The following TRPC6 variants were observed in gnomAD, a reference collection of about 807,000 sequenced individuals.
TRPC6 encodes transient receptor potential cation channel subfamily C member 6, also known as short transient receptor potential channel 6.
TRPC6 carries 55 observed loss-of-function variants against 90.7 expected under a neutral mutation model. The observed-to-expected ratio is 0.61, with a 90% CI of 0.49 to 0.76. The LOEUF is 0.76. Among genes scored for constraint, TRPC6 ranks in the 30% least tolerant of loss-of-function variants. The pLI is 0.00. For missense variants in TRPC6, 989 were observed against 1,122.7 expected (o/e 0.88, Z 1.70); for synonymous variants, 393 against 393.0 (o/e 1.00, Z 0.00).
At chr11:101,526,861 C>CAAAAAAAAAAAAAAAA (rs573864895) in intron 1 of TRPC6, among the ~76,000 whole-genome samples, 3 of 36,120 alleles carry the variant, frequency 8.3e-5, no homozygotes, top group African/African-American at 1.2e-4. Context: ...GAGACTGTCT[C>CAAAAAAAAAAAAAAAA]AAAAAAAAAA....
chr11:101,548,106 A>T (rs1238634255), intron 1 of TRPC6, among the ~76,000 whole-genome samples: 2 of 151,652 alleles, frequency 1.3e-5, no homozygotes, highest in Non-Finnish European at 1.5e-5. Flanking sequence ...CTAAAATAGG[A>T]TTTTTATGCA....
intron 7 of TRPC6, 106 bp from the exon 8 acceptor site, chr11:101,472,438 TA>T (rs986687278): frequency 5.8e-5 from 65 of 1,114,084 alleles, no homozygotes; most frequent in South Asian, 1.1e-4. Context: ...TTAGTGAGTA[TA>T]AAAAAAATTC....
chr11:101,564,933 A>G (rs1861796379), intron 1 of TRPC6, among the ~76,000 whole-genome samples: 1 of 152,082 alleles, frequency 6.6e-6, no homozygotes, highest in African/African-American at 2.4e-5. Flanking sequence ...GGGTTAAATA[A>G]TTTTCAACAA....
intron 1 of TRPC6, among the ~76,000 whole-genome samples, chr11:101,548,538 C>G (rs1340613570): frequency 6.9e-6 from 1 of 145,518 alleles, no homozygotes; most frequent in Non-Finnish European, 1.5e-5. Context: ...GGTTAAGTAG[C>G]TTATCCAAAG....
intron 1 of TRPC6, among the ~76,000 whole-genome samples, chr11:101,515,196 T>C (rs1184559538): frequency 6.6e-6 from 1 of 152,226 alleles, no homozygotes; most frequent in African/African-American, 2.4e-5. Flanking sequence ...ATAAAGGAGA[T>C]AGAAACTAAG....
intron 1 of TRPC6, among the ~76,000 whole-genome samples, chr11:101,508,217 G>C (rs1860318396): frequency 6.6e-6 from 1 of 151,810 alleles, no homozygotes; most frequent in African/African-American, 2.4e-5. Flanking sequence ...TGTTTGCTTT[G>C]GTCTCTGTAT....
At chr11:101,496,476 C>T (rs548120145) in intron 2 of TRPC6, among the ~76,000 whole-genome samples, 5 of 152,114 alleles carry the variant, frequency 3.3e-5, no homozygotes, top group Admixed American at 6.5e-5. Context: ...AAAAGTTAAT[C>T]GGCACTATTC....
At chr11:101,535,023 G>A (rs1393196991) in intron 1 of TRPC6, among the ~76,000 whole-genome samples, 1 of 151,960 alleles carries the variant, frequency 6.6e-6, no homozygotes, top group Non-Finnish European at 1.5e-5. Flanking sequence ...AAAATTAGTT[G>A]GGCATGGTAG....
chr11:101,463,845 T>C (rs1004110024), intron 10 of TRPC6, among the ~76,000 whole-genome samples: 13 of 152,228 alleles, frequency 8.5e-5, no homozygotes, highest in Admixed American at 5.2e-4. Context: ...TGTATTCTAC[T>C]AGCTTTTGAA....
At chr11:101,566,613 C>A (rs956980056) in intron 1 of TRPC6, among the ~76,000 whole-genome samples, 3 of 152,142 alleles carry the variant, frequency 2.0e-5, no homozygotes, top group Non-Finnish European at 1.5e-5. Flanking sequence ...GTAGGAACAG[C>A]TCCGGTCTGC....
intron 10 of TRPC6, among the ~76,000 whole-genome samples, chr11:101,465,213 C>G (rs924695642): frequency 2.6e-5 from 4 of 152,048 alleles, no homozygotes; most frequent in African/African-American, 7.2e-5. Flanking sequence ...CTCTGGCTGC[C>G]CTTAAGTTTT....
At chr11:101,483,192 T>C in intron 4 of TRPC6, 27 bp from the exon 5 acceptor site, 1 of 1,613,092 alleles carries the variant, frequency 6.2e-7, no homozygotes, top group Non-Finnish European at 8.5e-7. Flanking sequence ...CAAAATAAAA[T>C]CTTAACTTTG....
chr11:101,480,235 AT>A (rs1374056419), intron 5 of TRPC6, among the ~76,000 whole-genome samples: 2 of 152,164 alleles, frequency 1.3e-5, no homozygotes, highest in African/African-American at 4.8e-5. Context: ...AGAATAATTT[AT>A]GGTCAAGAAT....
Position 101,473,607 on chromosome 11 carries a change from G to A in TRPC6, c.1911C>T (p.Phe637=). Residue 637 remains phenylalanine, a synonymous_variant, in exon 7 of 13, where the codon TTC becomes TTT. Transcript: ENST00000344327. The part of the protein sequence containing the change: ...LGRTVKDIFK[F]MVIFIMVFVA... ...CAAACACCATAATGAATATGACCAT[G>A]AACTTGAAGATGTCTTTGACTGTTC... 1 of 1,613,738 alleles carries A rather than the reference G, an allele frequency of 6.2e-7. No individual in the cohort carries two copies. The highest frequency in any genetic ancestry group is 1.1e-5 in the South Asian group (1 of 91,070).
chr11:101,559,287 C>T (rs1861658309), intron 1 of TRPC6, among the ~76,000 whole-genome samples: 1 of 152,134 alleles, frequency 6.6e-6, no homozygotes, highest in South Asian at 2.1e-4. Context: ...CTAGTCTATT[C>T]AGTGATTAGA....
At position 101,491,833 on chromosome 11, in the gene TRPC6, A is replaced by ATTTTTTTT. The variant is rs200869151; in HGVS notation, c.946-96_946-95insAAAAAAAA. 6.5e-5 allele frequency: 51 copies of ATTTTTTTT among 782,342 alleles called. 3 individuals are homozygous for ATTTTTTTT. In the African/African-American group the frequency reaches 8.3e-4, roughly 13 times the overall value. The allele number at this position is 782,342 out of a possible 1,614,324, so 48.5% of individuals were successfully genotyped here. ...AAGGATTTTATACTTTAAGAGAAAC[A>ATTTTTTTT]TTCTTTTTTTTTTTTTTTTTTTTTT... On this transcript the variant is annotated intron_variant, in intron 2 of 12. Coordinates refer to ENST00000344327, the MANE Select transcript of TRPC6 (RefSeq NM_004621.6).
At chr11:101,500,214 C>T (rs11224799) in intron 2 of TRPC6, among the ~76,000 whole-genome samples, 64,339 of 137,676 alleles carry the variant, frequency 0.47, 15,609 homozygotes, top group African/African-American at 0.59. Context: ...TTTTTTCTTT[C>T]TTTTTTTTTT....
At chr11:101,516,110 A>AG (rs1565226077) in intron 1 of TRPC6, among the ~76,000 whole-genome samples, 2 of 148,168 alleles carry the variant, frequency 1.3e-5, no homozygotes, top group African/African-American at 4.9e-5. Flanking sequence ...GCAGCTGGGA[A>AG]AAAAAAAAAA....
At chr11:101,534,826 C>T (rs527882486) in intron 1 of TRPC6, among the ~76,000 whole-genome samples, 9 of 152,090 alleles carry the variant, frequency 5.9e-5, no homozygotes, top group South Asian at 4.2e-4. Flanking sequence ...GTATCAGAAA[C>T]GTATATGGTT....
Sources: gnomAD v4.1 joint callset for allele counts (sites outside exome capture counted in the v4.1 genomes callset) on GRCh38, gnomAD v4.1.1 for gene constraint, MANE v1.5 for transcripts, NCBI Gene and HGNC (gene_info 2026-07-23, HGNC 2026-07-21) for gene names.